Variants in DENND4B observed in about 807,000 individuals in gnomAD.
DENND4B encodes DENN domain-containing protein 4B.
DENND4B carries 67 observed loss-of-function variants against 161.0 expected under a neutral mutation model. The ratio of observed to expected loss-of-function variants is 0.42; its 90% CI spans 0.34 to 0.51. DENND4B has a LOEUF of 0.51. Among genes scored for constraint, DENND4B ranks in the 20% least tolerant of loss-of-function variants. DENND4B has a pLI of 0.08. For missense variants in DENND4B, 1,481 were observed against 1,968.0 expected (o/e 0.75, Z 4.68); for synonymous variants, 753 against 813.8 (o/e 0.93, Z 1.27).
chr1:153,932,211 T>C lies in DENND4B; in HGVS notation c.3989A>G (p.His1330Arg), dbSNP rs1342454103. 1.9e-6 allele frequency: 3 copies of C among 1,613,036 alleles called. No homozygotes were observed. Among genetic ancestry groups the C allele is most frequent in the Non-Finnish European group, 2.5e-6 (3 of 1,179,524 alleles). Reference protein sequence around the residue: ...LVLASCDGPSHSQAPSPWLTP... With the variant: ...LVLASCDGPSRSQAPSPWLTP... ...CCACATGGGGGCACTGACCTGGGAGTGCGAAGGCCCATCACAGGAGGCCAG... is the reference window on the plus strand; with the variant it reads ...CCACATGGGGGCACTGACCTGGGAGCGCGAAGGCCCATCACAGGAGGCCAG... The change falls in exon 24 of 28, where the codon CAC becomes CGC. Residue 1330 changes from histidine (H) to arginine (R), a missense_variant. His to Arg is a conservative substitution (Grantham distance 29, BLOSUM62 0). Around this residue, in one of 3 missense-constraint regions of DENND4B, gnomAD observed 336 missense variants for 503.3 expected, o/e 0.67. Transcript: ENST00000361217. The surrounding 1 kb of genome is among the most constrained non-coding windows in gnomAD (Gnocchi z 5.8).
At chr1:153,941,144 A>G in intron 8 of DENND4B, 87 bp downstream of exon 8, 1 of 1,579,842 alleles carries the variant, frequency 6.3e-7, no homozygotes, top group Admixed American at 1.9e-5. Context: ...CCCAGCCTGC[A>G]TAAACCTCAA....
intron 12 of DENND4B, 40 bp from the exon 13 acceptor site, chr1:153,939,085 AG>A: frequency 1.2e-6 from 2 of 1,602,684 alleles, no homozygotes; most frequent in Non-Finnish European, 1.7e-6. Context: ...GGGTGTGACC[AG>A]GGCTCTCCAC....
rs760558822 is a variant in DENND4B at position 153,942,573 on chromosome 1, G to A, written c.623C>T (p.Thr208Met). 3.4e-5 allele frequency: 55 copies of A among 1,598,242 alleles called. No homozygotes were observed. The South Asian group carries it at 3.7e-4, about 11-fold the overall frequency. The change falls in exon 4 of 28, where the codon ACG (threonine) becomes ATG (methionine). Residue 208 changes from threonine to methionine, a missense_variant. Transcript: ENST00000361217. The surrounding 1 kb of genome is among the most constrained non-coding windows in gnomAD (Gnocchi z 6.9). ...CCACTCACCTGCCTCGTACACCAGC[G>A]TGTTGGCCTTCGCCAGGCCCACCTT... ...CYKVGLAKANTLVYEAELLGR... is the reference protein window; with the variant it reads ...CYKVGLAKANMLVYEAELLGR...
chr1:153,931,314 T>A (rs1422767047), intron 24 of DENND4B, among the ~76,000 whole-genome samples: 2 of 152,166 alleles, frequency 1.3e-5, no homozygotes, highest in African/African-American at 4.8e-5. Context: ...GTGGAACGAA[T>A]AGACAAATAT....
intron 24 of DENND4B, among the ~76,000 whole-genome samples, chr1:153,931,539 C>T (rs1678930099): frequency 6.7e-6 from 1 of 148,446 alleles, no homozygotes; most frequent in African/African-American, 2.5e-5. Flanking sequence ...GCTCTGTCGT[C>T]CAGGCTGGAG....
chr1:153,937,718 T>C lies in DENND4B; in HGVS notation c.2105+6A>G, dbSNP rs1242311856. ...CTGGAACATGTGAAGGCTAAGAGAC[T>C]CTCACCAGTACTGGGGAGTGGATTC... is the stretch of plus-strand genomic sequence containing the variant. On this transcript the variant is annotated splice_donor_region_variant and intron_variant, in intron 14 of 27. Transcript: ENST00000361217. The surrounding 1 kb of genome is among the most constrained non-coding windows in gnomAD (Gnocchi z 4.7). 2 of 1,614,006 alleles carry C rather than the reference T, an allele frequency of 1.2e-6. No individual in the cohort carries two copies. The highest frequency in any genetic ancestry group is 1.7e-6 in the Non-Finnish European group (2 of 1,179,880).
At position 153,940,658 on chromosome 1, in the gene DENND4B, G is replaced by C; in HGVS notation, c.1327-52C>G. 1 of 1,579,438 alleles carries C rather than the reference G, an allele frequency of 6.3e-7. No homozygotes were observed. The highest frequency in any genetic ancestry group is 8.6e-7 in the Non-Finnish European group (1 of 1,161,904). ...TGAACAGGGGGTTGAGGCAGCAGTG[G>C]GAGGCACAGGAGAGAGAAAGAGAGG... On this transcript the variant is annotated intron_variant, in intron 9 of 27. Transcript: ENST00000361217. The surrounding 1 kb of genome is among the most constrained non-coding windows in gnomAD (Gnocchi z 5.6).
At position 153,929,545 on chromosome 1, in the gene DENND4B, C is replaced by T. The variant is rs1270996436; in HGVS notation, c.*752G>A. On this transcript the variant is annotated 3_prime_UTR_variant, in exon 28 of 28. Coordinates refer to ENST00000361217, the MANE Select transcript of DENND4B (RefSeq NM_014856.3). ...TTTACTATATTTACATCCAACAAAA[C>T]TTCGCAGGGAACAATCCTTATTGCA... 1 of 152,214 alleles carries T rather than the reference C, an allele frequency of 6.6e-6. No individual in the cohort carries two copies. The highest frequency in any genetic ancestry group is 6.5e-5 in the Admixed American group (1 of 15,280). 9.4% of individuals were successfully genotyped at this position (152,214 alleles called of 1,614,324 possible). A position where few individuals can be genotyped will look rare whatever the true frequency, so the allele number is the denominator to read the frequency against.
chr1:153,944,320 C>T lies in DENND4B; in HGVS notation c.55G>A (p.Ala19Thr). Residue 19 changes from alanine (A) to threonine (T), a missense_variant, in exon 2 of 28, where the codon GCA becomes ACA. Physicochemically the swap from Ala to Thr is moderately conservative, Grantham distance 58 (BLOSUM62 0). This residue lies in a region of DENND4B where 806 missense variants were observed against 1,134.4 expected (regional missense o/e 0.71). Coordinates refer to ENST00000361217, the MANE Select transcript of DENND4B (RefSeq NM_014856.3). This position sits in a 1 kb window ranked among gnomAD's most constrained non-coding sequence, Gnocchi z 4.8. ...TCAGGGATGGGTGCTCCGTTCCCTGCAAGCCCAGCTACCACGAAGTAATCC... is the reference window on the plus strand; with the variant it reads ...TCAGGGATGGGTGCTCCGTTCCCTGTAAGCCCAGCTACCACGAAGTAATCC... ...LVDYFVVAGLAGNGAPIPEET... is the reference protein window; with the variant it reads ...LVDYFVVAGLTGNGAPIPEET... The T allele has an allele frequency of 6.2e-7, 1 of 1,608,456 alleles. No homozygotes were observed. The highest frequency in any genetic ancestry group is 8.5e-7 in the Non-Finnish European group (1 of 1,177,468).
rs1489309295 is a variant in DENND4B at position 153,936,652 on chromosome 1, G to A, written c.2329C>T (p.Leu777=). 6 of 1,613,660 alleles carry A rather than the reference G, an allele frequency of 3.7e-6. No homozygotes were observed. The highest frequency in any genetic ancestry group is 4.2e-6 in the Non-Finnish European group (5 of 1,179,724). Residue 777 remains leucine, a synonymous_variant, in exon 16 of 28, where the codon CTG becomes TTG. Coordinates refer to ENST00000361217, the MANE Select transcript of DENND4B (RefSeq NM_014856.3). The surrounding 1 kb of genome is among the most constrained non-coding windows in gnomAD (Gnocchi z 4.1). ...GACCGCACATAGGCAGGCAGACACA[G>A]GAACCACAGCCCATAGCAGTGCCCC... ...LLGHCYGLWF[L]CLPAYVRSAP...
Position 153,936,566 on chromosome 1 carries a change from G to C in DENND4B, c.2415C>G (p.Ser805Arg). The change falls in exon 16 of 28, where the codon AGC becomes AGG. Residue 805 changes from serine to arginine, a missense_variant. By Grantham distance (110) the Ser-to-Arg change is moderately radical (BLOSUM62 -1). This residue lies in a region of DENND4B where 806 missense variants were observed against 1,134.4 expected (regional missense o/e 0.71). Coordinates refer to ENST00000361217, the MANE Select transcript of DENND4B (RefSeq NM_014856.3). This position sits in a 1 kb window ranked among gnomAD's most constrained non-coding sequence, Gnocchi z 4.1. ...CCTCATCAGGGAGCACCACCTTGCC[G>C]CTCTCCATCTGGCGCAGCACATGGT... ...TAYHVLRQME[S>R]GKVVLPDEVC... is the part of the protein sequence containing the mutation. 6.2e-7 allele frequency: 1 copy of C among 1,604,092 alleles called. No individual in the cohort carries two copies. Among genetic ancestry groups the C allele is most frequent in the South Asian group, 1.1e-5 (1 of 90,044 alleles).
chr1:153,935,644 G>C (rs1291880582), intron 17 of DENND4B, among the ~76,000 whole-genome samples: 1 of 152,256 alleles, frequency 6.6e-6, no homozygotes, highest in Admixed American at 6.5e-5. Context: ...ACTGCACCCA[G>C]CCCTGTGCCC....
At chr1:153,945,266 G>A in intron 1 of DENND4B, 1 of 896,178 alleles carries the variant, frequency 1.1e-6, no homozygotes, top group Non-Finnish European at 1.6e-6. Context: ...TGCTTCAGAG[G>A]GGAAGGGAGG....
chr1:153,939,976 A>AT (rs1244106510), intron 11 of DENND4B, 172 bp from the exon 12 acceptor site: 1 of 816,622 alleles, frequency 1.2e-6, no homozygotes, highest in African/African-American at 1.7e-5. Context: ...CATGTTCAGG[A>AT]ATACTGTCTG....
Position 153,933,542 on chromosome 1 carries a change from G to A in DENND4B, c.3271C>T (p.Arg1091Cys), listed in dbSNP as rs776450667. The A allele has an allele frequency of 7.1e-6, 11 of 1,548,970 alleles. No individual in the cohort carries two copies. Among genetic ancestry groups the A allele is most frequent in the Admixed American group, 2.0e-5 (1 of 50,462 alleles). The change falls in exon 20 of 28, where the codon CGC (arginine) becomes TGC (cysteine). Residue 1091 changes from arginine to cysteine, a missense_variant. Arg to Cys is a radical substitution (Grantham distance 180). This residue lies in a region of DENND4B where 339 missense variants were observed against 330.3 expected (regional missense o/e 1.03). Coordinates refer to ENST00000361217, the MANE Select transcript of DENND4B (RefSeq NM_014856.3). This position sits in a 1 kb window ranked among gnomAD's most constrained non-coding sequence, Gnocchi z 5.7. ...TGCAGAAGACTGTCCATGGGGCTGC[G>A]GCGGGCTGGGGGTGGCAGGTCAGGA... ...LPPDLPPPAR[R>C]SPMDSLLHPR... is the part of the protein sequence containing the mutation.
rs750659816 is a variant in DENND4B, at chr1:153,933,780, C to T, written c.3033G>A (p.Glu1011=). The change falls in exon 20 of 28, where the codon GAG becomes GAA. Residue 1011 remains glutamate (E), a synonymous_variant. Coordinates refer to ENST00000361217, the MANE Select transcript of DENND4B (RefSeq NM_014856.3). The surrounding 1 kb of genome is among the most constrained non-coding windows in gnomAD (Gnocchi z 5.7). The part of the protein sequence containing the change: ...SLSDLSLTGE[E]PLPGGSPGGS... ...CCCCTGGGCTGCCTCCAGGGAGCGG[C>T]TCCTCCCCTGTCAGGCTCAGGTCTG... 3 of 1,611,188 alleles carry T rather than the reference C, an allele frequency of 1.9e-6. No homozygotes were observed. In the Admixed American group the frequency reaches 5.0e-5, roughly 27 times the overall value.
chr1:153,941,138 G>T, intron 8 of DENND4B, 90 bp from the exon 9 acceptor site: 1 of 1,574,304 alleles, frequency 6.4e-7, no homozygotes, highest in Non-Finnish European at 8.6e-7. Flanking sequence ...CCTGGACCCA[G>T]CCTGCATAAA....
At chr1:153,938,486 A>G (rs952416763) in intron 13 of DENND4B, among the ~76,000 whole-genome samples, 6 of 151,316 alleles carry the variant, frequency 4.0e-5, no homozygotes, top group Non-Finnish European at 7.4e-5. Flanking sequence ...GTGGATCATG[A>G]GGTCAGGAGA....
In DENND4B at chr1:153,932,562, G is replaced by T; in HGVS notation, c.3759+80C>A. On this transcript the variant is annotated intron_variant, in intron 23 of 27. Transcript: ENST00000361217. This position sits in a 1 kb window ranked among gnomAD's most constrained non-coding sequence, Gnocchi z 5.8. The stretch of plus-strand genomic sequence containing the variant: ...CCTTGCCCTCAAGGGCAAGAGATGT[G>T]CCCATCTCTCCCTGGCACCCCACAG... 6 of 1,568,146 alleles carry T rather than the reference G, an allele frequency of 3.8e-6. No individual in the cohort carries two copies. The South Asian group carries it at 7.1e-5, about 19-fold the overall frequency.
Sources: gnomAD v4.1 joint callset for allele counts (sites outside exome capture counted in the v4.1 genomes callset) on GRCh38, gnomAD v4.1.1 for gene constraint, gnomAD v4.1.1 regional missense constraint, Gnocchi (gnomAD v3.1) non-coding constraint, MANE v1.5 for transcripts, NCBI Gene and HGNC (gene_info 2026-07-23, HGNC 2026-07-21) for gene names.